The following SCFD2 variants were observed in gnomAD, a reference collection of about 807,000 sequenced individuals.
The protein encoded by SCFD2 is sec1 family domain containing 2, also known as sec1 family domain-containing protein 2.
SCFD2 carries 54 observed loss-of-function variants against 58.9 expected under a neutral mutation model. That is an observed-to-expected ratio of 0.92 (90% CI 0.74 to 1.15). The LOEUF is 1.15. Among genes scored for constraint, SCFD2 ranks in the 50% most tolerant of loss-of-function variants. SCFD2 has a pLI of 0.00. For synonymous variants in SCFD2, 321 were observed against 335.9 expected (o/e 0.96, Z 0.49); for missense variants, 805 against 836.6 (o/e 0.96, Z 0.47).
rs184376188 is a variant in SCFD2 at position 53,308,983 on chromosome 4, A to T, written c.1135+4653T>A. ...GTCTCTACTAGATAAAAATAAAAAA[A>T]TTAGCCGGGCATGGTGGCATGGGCC... On this transcript the variant is annotated intron_variant, in intron 3 of 8. Coordinates refer to ENST00000401642, the MANE Select transcript of SCFD2 (RefSeq NM_152540.4). Among the ~76,000 whole-genome samples the T allele has an allele frequency of 2.2e-3, 335 of 152,170 alleles. 6 individuals carry two copies. Among genetic ancestry groups the T allele is most frequent in the East Asian group, 0.017 (87 of 5,166 alleles).
At chr4:53,273,420 T>C (rs1177676578) in intron 4 of SCFD2, among the ~76,000 whole-genome samples, 2 of 152,172 alleles carry the variant, frequency 1.3e-5, no homozygotes, top group East Asian at 3.8e-4. Flanking sequence ...TTAAGACACA[T>C]GCTATATGTT....
chr4:53,208,366 G>T (rs560080168), intron 4 of SCFD2, among the ~76,000 whole-genome samples: 1 of 152,158 alleles, frequency 6.6e-6, no homozygotes, highest in East Asian at 1.9e-4. Flanking sequence ...AGTAATGCAG[G>T]TACATCAACA....
At chr4:53,239,176 C>A (rs1202598509) in intron 4 of SCFD2, among the ~76,000 whole-genome samples, 1 of 151,672 alleles carries the variant, frequency 6.6e-6, no homozygotes, top group Non-Finnish European at 1.5e-5. Context: ...CTGGCCAACA[C>A]AGCGAAACCC....
At chr4:53,076,965 G>C (rs1381027955) in intron 5 of SCFD2, among the ~76,000 whole-genome samples, 1 of 152,128 alleles carries the variant, frequency 6.6e-6, no homozygotes, top group Non-Finnish European at 1.5e-5. Context: ...TAAAGGTCTA[G>C]GAATACAGTT....
At chr4:52,915,610 C>A (rs1187971275) in intron 6 of SCFD2, among the ~76,000 whole-genome samples, 1 of 152,154 alleles carries the variant, frequency 6.6e-6, no homozygotes, top group Non-Finnish European at 1.5e-5. Flanking sequence ...CATCCACCCA[C>A]CCAGGCTTCA....
At chr4:53,226,384 A>G (rs1167436634) in intron 4 of SCFD2, among the ~76,000 whole-genome samples, 1 of 152,122 alleles carries the variant, frequency 6.6e-6, no homozygotes, top group Non-Finnish European at 1.5e-5. Flanking sequence ...GATAAACATT[A>G]TTGATGTATA....
At chr4:52,974,514 A>G (rs1261524983) in intron 5 of SCFD2, among the ~76,000 whole-genome samples, 1 of 152,210 alleles carries the variant, frequency 6.6e-6, no homozygotes, top group Non-Finnish European at 1.5e-5. Flanking sequence ...TCAAGGAAAT[A>G]AAAGAGGATA....
chr4:53,242,966 T>C (rs1379374470), intron 4 of SCFD2, among the ~76,000 whole-genome samples: 1 of 152,132 alleles, frequency 6.6e-6, no homozygotes, highest in Non-Finnish European at 1.5e-5. Context: ...ATAAAACCTC[T>C]GAGAAATATG....
intron 5 of SCFD2, among the ~76,000 whole-genome samples, chr4:53,025,958 C>CTTA (rs1236420360): frequency 1.3e-4 from 1 of 7,902 alleles, no homozygotes; most frequent in African/African-American, 1.4e-4. Context: ...GAATTATGTT[C>CTTA]TTATGTACTT....
At chr4:53,276,066 T>G (rs994486284) in intron 3 of SCFD2, among the ~76,000 whole-genome samples, 5 of 151,956 alleles carry the variant, frequency 3.3e-5, no homozygotes, top group African/African-American at 1.2e-4. Flanking sequence ...CATTTTCCTT[T>G]AGGCAAATTT....
At chr4:52,937,752 G>A (rs1720179194) in intron 5 of SCFD2, among the ~76,000 whole-genome samples, 1 of 152,146 alleles carries the variant, frequency 6.6e-6, no homozygotes, top group African/African-American at 2.4e-5. Flanking sequence ...AATCTCAGAA[G>A]CTCGACATGG....
chr4:52,890,990 G>T (rs1386239634), intron 7 of SCFD2, among the ~76,000 whole-genome samples: 2 of 151,938 alleles, frequency 1.3e-5, no homozygotes, highest in African/African-American at 4.8e-5. Flanking sequence ...CAGGCAAGGG[G>T]CAGGTCATTC....
intron 4 of SCFD2, among the ~76,000 whole-genome samples, chr4:53,151,398 A>C (rs1480131572): frequency 6.6e-6 from 1 of 152,206 alleles, no homozygotes; most frequent in East Asian, 1.9e-4. Flanking sequence ...GTTTATCTGA[A>C]GTCTGGGGCT....
At chr4:53,179,983 G>A (rs1005891955) in intron 4 of SCFD2, among the ~76,000 whole-genome samples, 3 of 152,150 alleles carry the variant, frequency 2.0e-5, no homozygotes, top group Non-Finnish European at 4.4e-5. Context: ...CAATACAGGA[G>A]CATCCAGATT....
chr4:53,099,565 G>T (rs943610573), intron 5 of SCFD2, among the ~76,000 whole-genome samples: 1 of 152,128 alleles, frequency 6.6e-6, no homozygotes, highest in Non-Finnish European at 1.5e-5. Context: ...GCCTCATGCT[G>T]CTTCCATTCA....
intron 5 of SCFD2, among the ~76,000 whole-genome samples, chr4:53,054,629 G>GAA (rs554953513): frequency 7.3e-6 from 1 of 136,758 alleles, no homozygotes; most frequent in African/African-American, 2.7e-5. Context: ...GATTAGCTTA[G>GAA]AAAAAAAAAA....
intron 3 of SCFD2, 145 bp from the exon 4 acceptor site, chr4:53,274,146 C>T: frequency 1.5e-6 from 1 of 646,488 alleles, no homozygotes; most frequent in Non-Finnish European, 2.4e-6. Context: ...GTGATTCTTA[C>T]AACTATATAG....
At chr4:53,121,012 G>A (rs1300268084) in intron 5 of SCFD2, among the ~76,000 whole-genome samples, 1 of 152,168 alleles carries the variant, frequency 6.6e-6, no homozygotes, top group Non-Finnish European at 1.5e-5. Context: ...CTTGCCAAGC[G>A]GCTACTACGT....
chr4:52,893,961 T>A (rs1474737547), intron 7 of SCFD2, among the ~76,000 whole-genome samples: 1 of 152,192 alleles, frequency 6.6e-6, no homozygotes, highest in Non-Finnish European at 1.5e-5. Context: ...TTCTTTAAGT[T>A]ATTGCAATTT....
Sources: allele counts gnomAD v4.1 joint callset (sites outside exome capture counted in the v4.1 genomes callset), GRCh38; gene constraint gnomAD v4.1.1; transcripts MANE v1.5; gene names NCBI Gene and HGNC (gene_info 2026-07-23, HGNC 2026-07-21).